The following CAMTA1 variants were observed in gnomAD, a reference collection of about 807,000 sequenced individuals.
The protein encoded by CAMTA1 is calmodulin-binding transcription activator 1.
A neutral mutation model predicts 170.9 loss-of-function variants in CAMTA1; 27 were observed. The ratio of observed to expected loss-of-function variants is 0.16; its 90% CI spans 0.12 to 0.22. CAMTA1 has a LOEUF of 0.22. Ranked by LOEUF, CAMTA1 falls within the 10% of genes least tolerant of loss-of-function variation. The pLI is 1.00. For synonymous variants in CAMTA1, 833 were observed against 891.5 expected (o/e 0.93, Z 1.17); for missense variants, 1,619 against 2,217.2 (o/e 0.73, Z 5.42).
rs372124499 is a variant in CAMTA1, at chr1:7,423,978, C to T, written c.439-43852C>T. 2.2e-4 allele frequency among the ~76,000 whole-genome samples: 34 copies of T among 152,288 alleles called. No homozygotes were observed. In the South Asian group the frequency reaches 6.0e-3, roughly 27 times the overall value. ...CACCTCTTTCTGGCTTTAGGGAGCACTGTGAGCTATTTGGAAGCCCTTGCC... is the reference window on the plus strand; with the variant it reads ...CACCTCTTTCTGGCTTTAGGGAGCATTGTGAGCTATTTGGAAGCCCTTGCC... On this transcript the variant is annotated intron_variant, in intron 5 of 22. Coordinates refer to ENST00000303635, the MANE Select transcript of CAMTA1 (RefSeq NM_015215.4).
intron 3 of CAMTA1, among the ~76,000 whole-genome samples, chr1:6,994,898 G>A (rs1164157720): frequency 6.6e-6 from 1 of 152,052 alleles, no homozygotes; most frequent in Non-Finnish European, 1.5e-5. Context: ...AAACTCCTGG[G>A]CACAAGTGAT....
chr1:7,274,961 G>GT (rs1205949438), intron 5 of CAMTA1, among the ~76,000 whole-genome samples: 2 of 151,998 alleles, frequency 1.3e-5, no homozygotes, highest in Admixed American at 6.6e-5. Context: ...GGCCAACATG[G>GT]TGAAACCCCA....
At chr1:7,692,141 G>A (rs1178552213) in intron 11 of CAMTA1, among the ~76,000 whole-genome samples, 2 of 152,122 alleles carry the variant, frequency 1.3e-5, no homozygotes, top group Admixed American at 6.6e-5. Context: ...ACCAGGCAGC[G>A]TCACCTCCCT....
rs909709451 is a variant in CAMTA1 at position 7,482,267 on chromosome 1, T to C, written c.510+14366T>C. ...TGTTCACTGCTACATTTGGAGTGCCTGGAGCCATGCCTAGCACATAAGTAC... is the reference window on the plus strand; with the variant it reads ...TGTTCACTGCTACATTTGGAGTGCCCGGAGCCATGCCTAGCACATAAGTAC... On this transcript the variant is annotated intron_variant, in intron 6 of 22. Coordinates refer to ENST00000303635, the MANE Select transcript of CAMTA1 (RefSeq NM_015215.4). This position sits in a 1 kb window ranked among gnomAD's most constrained non-coding sequence, Gnocchi z 4.2. Among the ~76,000 whole-genome samples the C allele has an allele frequency of 6.6e-6, 1 of 152,224 alleles. No individual in the cohort carries two copies. The highest frequency in any genetic ancestry group is 1.5e-5 in the Non-Finnish European group (1 of 68,040).
At chr1:7,207,189 T>G (rs1361524400) in intron 4 of CAMTA1, among the ~76,000 whole-genome samples, 1 of 152,222 alleles carries the variant, frequency 6.6e-6, no homozygotes, top group East Asian at 1.9e-4. Context: ...CCTGACACTT[T>G]ACTAGGCTCT....
At chr1:6,989,638 G>A (rs1198791603) in intron 3 of CAMTA1, among the ~76,000 whole-genome samples, 21 of 152,098 alleles carry the variant, frequency 1.4e-4, no homozygotes, top group Non-Finnish European at 1.5e-5. Context: ...TGGATGCCCC[G>A]GGCTTTAAAG....
rs543287783 is a variant in CAMTA1 at position 7,507,899 on chromosome 1, G to A, written c.510+39998G>A. ...CGGTGGCCTCCCTGCCTGGCACACC[G>A]CAGCTCTCCAGCGTGTGTCTGTTGA... On this transcript the variant is annotated intron_variant, in intron 6 of 22. Transcript: ENST00000303635. 7.3e-4 allele frequency among the ~76,000 whole-genome samples: 111 copies of A among 152,300 alleles called. 2 individuals carry two copies. The highest frequency in any genetic ancestry group is 2.6e-3 in the African/African-American group (107 of 41,582).
At chr1:7,119,728 A>C (rs1014101018) in intron 4 of CAMTA1, among the ~76,000 whole-genome samples, 1 of 152,216 alleles carries the variant, frequency 6.6e-6, no homozygotes, top group African/African-American at 2.4e-5. Flanking sequence ...ATATAACAAT[A>C]CAACAGTAAC....
chr1:7,180,358 C>CA (rs35903883), intron 4 of CAMTA1, among the ~76,000 whole-genome samples: 125 of 142,918 alleles, frequency 8.7e-4, no homozygotes, highest in African/African-American at 2.3e-3. Flanking sequence ...AACTACATCT[C>CA]AAAAAAAAAA....
intron 6 of CAMTA1, among the ~76,000 whole-genome samples, chr1:7,504,033 C>T (rs983629509): frequency 1.3e-5 from 2 of 152,154 alleles, no homozygotes; most frequent in African/African-American, 4.8e-5. Flanking sequence ...GCCTCCCGGG[C>T]AGGAGAGGGT....
chr1:6,870,118 C>T (rs752829535), intron 3 of CAMTA1, among the ~76,000 whole-genome samples: 1 of 152,112 alleles, frequency 6.6e-6, no homozygotes, highest in Non-Finnish European at 1.5e-5. Context: ...GAACTTGACT[C>T]GTGTTACACT....
intron 1 of CAMTA1, among the ~76,000 whole-genome samples, chr1:6,797,476 C>T (rs921276672): frequency 6.6e-6 from 1 of 151,866 alleles, no homozygotes; most frequent in Non-Finnish European, 1.5e-5. Context: ...ACCTCTGCCT[C>T]CTGTGTTCAA....
intron 22 of CAMTA1, among the ~76,000 whole-genome samples, chr1:7,764,226 C>A (rs2096999578): frequency 6.6e-6 from 1 of 152,046 alleles, no homozygotes; most frequent in East Asian, 1.9e-4. Context: ...AAATTTAAAA[C>A]TAAATGATAT....
At chr1:6,870,041 A>G (rs1029380236) in intron 3 of CAMTA1, among the ~76,000 whole-genome samples, 1 of 152,232 alleles carries the variant, frequency 6.6e-6, no homozygotes. Context: ...AAGGAGGTAC[A>G]TAGAGATAAT....
intron 4 of CAMTA1, among the ~76,000 whole-genome samples, chr1:7,155,130 GAGGTCCCTGGGA>G (rs1427639985): frequency 1.3e-5 from 2 of 152,176 alleles, no homozygotes; most frequent in Non-Finnish European, 2.9e-5. Context: ...TGGTGGCAGA[GAGGTCCCTGGGA>G]AGCCTGTGCC....
intron 5 of CAMTA1, among the ~76,000 whole-genome samples, chr1:7,459,481 T>C (rs1040756530): frequency 6.6e-6 from 1 of 152,166 alleles, no homozygotes; most frequent in African/African-American, 2.4e-5. Context: ...CTGGAAGGTT[T>C]TCACTCCCAC....
intron 3 of CAMTA1, among the ~76,000 whole-genome samples, chr1:6,912,750 C>T (rs549196511): frequency 2.0e-5 from 3 of 152,288 alleles, no homozygotes; most frequent in South Asian, 2.1e-4. Context: ...ACAGGGGAGG[C>T]GCTGTCATAC....
chr1:6,998,726 C>T (rs1000472853), intron 3 of CAMTA1, among the ~76,000 whole-genome samples: 9 of 152,174 alleles, frequency 5.9e-5, no homozygotes, highest in Non-Finnish European at 1.2e-4. Flanking sequence ...GTCTGACATG[C>T]GGTGGATGCT....
At chr1:6,796,284 C>G (rs1435048468) in intron 1 of CAMTA1, among the ~76,000 whole-genome samples, 1 of 151,734 alleles carries the variant, frequency 6.6e-6, no homozygotes, top group Non-Finnish European at 1.5e-5. Context: ...ACTACAGGCA[C>G]GCGCCACCAT....
Sources: gnomAD v4.1 joint callset for allele counts (sites outside exome capture counted in the v4.1 genomes callset) on GRCh38, gnomAD v4.1.1 for gene constraint, Gnocchi (gnomAD v3.1) non-coding constraint, MANE v1.5 for transcripts, NCBI Gene and HGNC (gene_info 2026-07-23, HGNC 2026-07-21) for gene names.